Variants in ATP10D observed in about 807,000 individuals in gnomAD.
The protein encoded by ATP10D is ATPase phospholipid transporting 10D (putative), also known as phospholipid-transporting ATPase VD.
In ATP10D, 89 loss-of-function variants were observed where a neutral mutation model predicts 144.8. That is an observed-to-expected ratio of 0.61 (90% CI 0.52 to 0.73). The LOEUF is 0.73. ATP10D is among the 30% of genes least tolerant of loss of function. The pLI, the probability that ATP10D is intolerant of heterozygous loss-of-function variation, is 0.00. For missense variants in ATP10D, 1,603 were observed against 1,714.8 expected (o/e 0.93, Z 1.15); for synonymous variants, 571 against 615.1 (o/e 0.93, Z 1.06).
chr4:47,499,850 A>C (rs1431875421), intron 1 of ATP10D, among the ~76,000 whole-genome samples: 1 of 152,224 alleles, frequency 6.6e-6, no homozygotes, highest in African/African-American at 2.4e-5. Context: ...GTTTCTAAAA[A>C]TAAGTCCTAT....
chr4:47,525,853 A>G (rs1717218823), intron 5 of ATP10D, among the ~76,000 whole-genome samples: 1 of 152,238 alleles, frequency 6.6e-6, no homozygotes. Context: ...TTCTGGAGGT[A>G]TCTTGTGGCA....
At position 47,582,064 on chromosome 4, in the gene ATP10D, G is replaced by T; in HGVS notation, c.3753G>T (p.Leu1251Phe). 6.2e-7 allele frequency: 1 copy of T among 1,611,592 alleles called. No homozygotes were observed. Among genetic ancestry groups the T allele is most frequent in the Non-Finnish European group, 8.5e-7 (1 of 1,177,764 alleles). ...LLHLVIESKS[L>F]TWIHLLVIIG... ...ATCTGGTCATTGAAAGCAAGAGTTT[G>T]GTGAGTGGTTTTCTTGCCTCTGAAG... Residue 1251 changes from leucine (L) to phenylalanine (F), a missense_variant and splice_region_variant, in exon 21 of 23, where the codon TTG (leucine) becomes TTT (phenylalanine). By Grantham distance (22) the Leu-to-Phe change is conservative. Transcript: ENST00000273859.
At chr4:47,494,087 T>G (rs1046754462) in intron 1 of ATP10D, among the ~76,000 whole-genome samples, 1 of 152,202 alleles carries the variant, frequency 6.6e-6, no homozygotes, top group Non-Finnish European at 1.5e-5. Flanking sequence ...AGAAACACAA[T>G]GTTCAACACT....
At chr4:47,548,362 T>A (rs1168902772) in intron 10 of ATP10D, among the ~76,000 whole-genome samples, 1 of 152,214 alleles carries the variant, frequency 6.6e-6, no homozygotes, top group Non-Finnish European at 1.5e-5. Context: ...ATTAAAAATA[T>A]CACCTTTTTC....
intron 15 of ATP10D, among the ~76,000 whole-genome samples, chr4:47,566,605 A>G (rs1719650456): frequency 6.6e-6 from 1 of 152,158 alleles, no homozygotes; most frequent in South Asian, 2.1e-4. Flanking sequence ...TCTGATTCCC[A>G]TTACAGTATA....
intron 9 of ATP10D, among the ~76,000 whole-genome samples, chr4:47,540,818 T>C (rs1718097922): frequency 6.6e-6 from 1 of 152,216 alleles, no homozygotes; most frequent in African/African-American, 2.4e-5. Context: ...TTTTGGTTTC[T>C]CTAGGTGACA....
Position 47,592,032 on chromosome 4 carries a change from C to A in ATP10D, c.*651C>A, listed in dbSNP as rs910075575. The A allele has an allele frequency of 2.0e-5, 3 of 152,122 alleles. No homozygotes were observed. Among genetic ancestry groups the A allele is most frequent in the Non-Finnish European group, 4.4e-5 (3 of 67,992 alleles). 9.4% of individuals were successfully genotyped at this position (152,122 alleles called of 1,614,324 possible). ...ATTTCAATGTTTTCCTGAGGTGGAG[C>A]CTTCATTGGAAAGGGGAAAGAGGGA... is the stretch of plus-strand genomic sequence containing the variant. On this transcript the variant is annotated 3_prime_UTR_variant, in exon 23 of 23. Transcript: ENST00000273859.
chr4:47,532,823 T>C (rs1418520966), intron 5 of ATP10D, among the ~76,000 whole-genome samples: 2 of 152,188 alleles, frequency 1.3e-5, no homozygotes, highest in Non-Finnish European at 2.9e-5. Flanking sequence ...TCTACCTGTA[T>C]TACCTCCTCT....
At chr4:47,545,327 G>A (rs1380665627) in intron 9 of ATP10D, among the ~76,000 whole-genome samples, 1 of 152,238 alleles carries the variant, frequency 6.6e-6, no homozygotes, top group African/African-American at 2.4e-5. Context: ...AGGGAGTCCA[G>A]ATTTTATTCT....
chr4:47,536,167 C>A, intron 7 of ATP10D, 134 bp downstream of exon 7: 1 of 1,141,070 alleles, frequency 8.8e-7, no homozygotes, highest in East Asian at 2.5e-5. Context: ...ATATCCTTGT[C>A]TCTTTCATCC....
chr4:47,496,191 C>T (rs1169567286), intron 1 of ATP10D, among the ~76,000 whole-genome samples: 1 of 129,656 alleles, frequency 7.7e-6, no homozygotes, highest in Non-Finnish European at 1.6e-5. Context: ...GAGTTTCACT[C>T]TTGTGGCCCA....
At chr4:47,575,113 G>A (rs931067606) in intron 18 of ATP10D, among the ~76,000 whole-genome samples, 1 of 152,122 alleles carries the variant, frequency 6.6e-6, no homozygotes, top group Non-Finnish European at 1.5e-5. Flanking sequence ...CACTGCATCC[G>A]GCCGATGATG....
At chr4:47,544,488 A>G (rs1435445390) in intron 9 of ATP10D, among the ~76,000 whole-genome samples, 2 of 152,218 alleles carry the variant, frequency 1.3e-5, no homozygotes, top group Non-Finnish European at 2.9e-5. Context: ...CAGTTTTTGA[A>G]GCTGGAAGGT....
At chr4:47,567,051 CTT>C (rs56360024) in intron 15 of ATP10D, among the ~76,000 whole-genome samples, 66,823 of 151,796 alleles carry the variant, frequency 0.44, 15,134 homozygotes, top group East Asian at 0.7. Context: ...GAAAAGAAGA[CTT>C]TGCTACAGTT....
Position 47,563,713 on chromosome 4 carries a change from G to A in ATP10D, c.2801G>A (p.Cys934Tyr). Residue 934 changes from cysteine to tyrosine, a missense_variant, in exon 15 of 23, where the codon TGC becomes TAC. Transcript: ENST00000273859. ...QETAVNIAYACKLLEPDDKLF... is the reference protein window; with the variant it reads ...QETAVNIAYAYKLLEPDDKLF... ...ACAGCTGTCAACATAGCTTATGCAT[G>A]CAAACTACTGGAGCCAGATGACAAG... The A allele has an allele frequency of 1.2e-6, 2 of 1,613,390 alleles. No individual in the cohort carries two copies. Among genetic ancestry groups the A allele is most frequent in the South Asian group, 2.2e-5 (2 of 90,936 alleles).
chr4:47,567,240 C>T (rs1390490418), intron 15 of ATP10D, among the ~76,000 whole-genome samples: 5 of 152,152 alleles, frequency 3.3e-5, no homozygotes, highest in African/African-American at 1.2e-4. Context: ...TAGGAGAATT[C>T]ACAAATGTGG....
At chr4:47,523,271 C>A in intron 4 of ATP10D, 55 bp downstream of exon 4, 1 of 1,383,094 alleles carries the variant, frequency 7.2e-7, no homozygotes, top group Non-Finnish European at 1.0e-6. Flanking sequence ...CAGAAGATGA[C>A]TGAGCTCATT....
intron 21 of ATP10D, among the ~76,000 whole-genome samples, chr4:47,585,739 A>C (rs150714263): frequency 0.032 from 4,804 of 152,062 alleles, 256 homozygotes; most frequent in African/African-American, 0.11. Flanking sequence ...AAGTGAGAAC[A>C]TGCAGTATTT....
At chr4:47,541,778 A>T (rs554106391) in intron 9 of ATP10D, among the ~76,000 whole-genome samples, 297 of 152,278 alleles carry the variant, frequency 2.0e-3, no homozygotes, top group African/African-American at 6.9e-3. Context: ...GTAACAGGCT[A>T]TAGGAAGATT....
Sources: gnomAD v4.1 joint callset for allele counts (sites outside exome capture counted in the v4.1 genomes callset) on GRCh38, gnomAD v4.1.1 for gene constraint, MANE v1.5 for transcripts, NCBI Gene and HGNC (gene_info 2026-07-23, HGNC 2026-07-21) for gene names.